ATP6V1E1: variants seen among roughly 807,000 people sequenced by gnomAD.
ATP6V1E1 encodes the protein ATPase H+ transporting V1 subunit E1, also known as V-type proton ATPase subunit E 1.
In ATP6V1E1, 21 loss-of-function variants were observed where a neutral mutation model predicts 35.2. The ratio of observed to expected loss-of-function variants is 0.60; its 90% CI spans 0.42 to 0.86. The LOEUF (loss-of-function observed/expected upper bound fraction) is 0.86. Ranked by LOEUF, ATP6V1E1 falls within the 40% of genes least tolerant of loss-of-function variation. The pLI, the probability that ATP6V1E1 is intolerant of heterozygous loss-of-function variation, is 0.00. For synonymous variants in ATP6V1E1, 83 were observed against 87.8 expected, an observed-to-expected ratio of 0.95 and a Z score of 0.30; for missense variants, 183 against 272.6, an observed-to-expected ratio of 0.67 and a Z score of 2.32.
At chr22:17,593,267 C>T (rs1444669706) in intron 8 of ATP6V1E1, among the ~76,000 whole-genome samples, 23 of 150,628 alleles carry the variant, frequency 1.5e-4, no homozygotes, top group Admixed American at 1.5e-3. Context: ...AAAAGGGACA[C>T]ATTAAAAAAA....
At chr22:17,601,955 A>C (rs2057764189) in intron 4 of ATP6V1E1, among the ~76,000 whole-genome samples, 1 of 152,178 alleles carries the variant, frequency 6.6e-6, no homozygotes, top group African/African-American at 2.4e-5. Flanking sequence ...CCCAGGCTGC[A>C]GTGCAGTGAT....
At chr22:17,608,949 A>G (rs2057799659) in intron 4 of ATP6V1E1, among the ~76,000 whole-genome samples, 1 of 151,848 alleles carries the variant, frequency 6.6e-6, no homozygotes, top group Admixed American at 6.6e-5. Flanking sequence ...AGCCGGGCGC[A>G]GTGGCGGGCG....
intron 1 of ATP6V1E1, among the ~76,000 whole-genome samples, chr22:17,623,552 T>G (rs2146318267): frequency 6.6e-6 from 1 of 151,704 alleles, no homozygotes; most frequent in African/African-American, 2.4e-5. Flanking sequence ...GTGCCTGCAA[T>G]CCTAGCTACT....
At chr22:17,603,480 C>T (rs796816206) in intron 4 of ATP6V1E1, among the ~76,000 whole-genome samples, 31 of 152,212 alleles carry the variant, frequency 2.0e-4, no homozygotes, top group African/African-American at 6.7e-4. Flanking sequence ...CATACCACTG[C>T]ACTCCAACCT....
At chr22:17,604,729 G>C (rs2057777017) in intron 4 of ATP6V1E1, among the ~76,000 whole-genome samples, 1 of 151,760 alleles carries the variant, frequency 6.6e-6, no homozygotes, top group African/African-American at 2.4e-5. Flanking sequence ...ATGTTGATCA[G>C]GCTGGTCTCG....
intron 6 of ATP6V1E1, 68 bp from the exon 7 acceptor site, chr22:17,598,356 G>A (rs1347817636): frequency 2.4e-6 from 3 of 1,252,928 alleles, no homozygotes; most frequent in Non-Finnish European, 3.5e-6. Flanking sequence ...AAACTCAACA[G>A]ACTATACAAG....
upstream of ATP6V1E1, chr22:17,628,803 T>G: frequency 1.1e-6 from 1 of 877,270 alleles, no homozygotes; most frequent in East Asian, 2.6e-5. Flanking sequence ...CTCATGACCC[T>G]TCTCAGCCAA....
Position 17,599,979 on chromosome 22 carries a change from AAGGGAGGGGGG to A in ATP6V1E1, c.435+37_435+47del, listed in dbSNP as rs759694948. On this transcript the variant is annotated intron_variant, in intron 6 of 8. Transcript: ENST00000253413. ...AAAGAAAGAGAGAGGGGAAGGAAGA[AAGGGAGGGGGG>A]AGGGAGGGAGGGAAAAAATTATCCT... 3 of 1,208,818 alleles carry A rather than the reference AAGGGAGGGGGG, an allele frequency of 2.5e-6. No individual in the cohort carries two copies. The African/African-American group carries it at 6.0e-5, about 24-fold the overall frequency. 74.9% of individuals were successfully genotyped at this position (1,208,818 alleles called of 1,614,324 possible).
chr22:17,618,594 A>C (rs2057858238), intron 2 of ATP6V1E1, among the ~76,000 whole-genome samples: 1 of 151,322 alleles, frequency 6.6e-6, no homozygotes, highest in African/African-American at 2.4e-5. Context: ...AGGCAAGAGA[A>C]CGGTGTGAAC....
chr22:17,600,056 A>C lies in ATP6V1E1; in HGVS notation c.406T>G (p.Cys136Gly). 6.2e-7 allele frequency: 1 copy of C among 1,614,048 alleles called. No individual in the cohort carries two copies. The highest frequency in any genetic ancestry group is 8.5e-7 in the Non-Finnish European group (1 of 1,179,946). Residue 136 changes from cysteine (C) to glycine (G), a missense_variant, in exon 6 of 9, where the codon TGC becomes GGC. Physicochemically the swap from Cys to Gly is radical, Grantham distance 159. Transcript: ENST00000253413. The part of the protein sequence containing the change: ...QLLEPRMIVR[C>G]RKQDFPLVKA... The stretch of plus-strand genomic sequence containing the variant: ...ACCAGAGGGAAATCTTGTTTCCTGC[A>C]ACGAACAATCATTCGGGGCTCCAGC...
chr22:17,622,519 G>A (rs1324715849), intron 1 of ATP6V1E1, among the ~76,000 whole-genome samples: 1 of 152,114 alleles, frequency 6.6e-6, no homozygotes, highest in Admixed American at 6.6e-5. Flanking sequence ...GCTAGGGGAG[G>A]GATAGCATTA....
At chr22:17,623,065 C>G (rs1052519777) in intron 1 of ATP6V1E1, among the ~76,000 whole-genome samples, 1 of 152,110 alleles carries the variant, frequency 6.6e-6, no homozygotes, top group African/African-American at 2.4e-5. Context: ...CCCTACTTTT[C>G]TTTTTTTTCT....
chr22:17,599,473 G>C (rs1276230915), intron 6 of ATP6V1E1, among the ~76,000 whole-genome samples: 2 of 150,932 alleles, frequency 1.3e-5, no homozygotes, highest in Admixed American at 6.6e-5. Flanking sequence ...CTACTTGGGA[G>C]GCTGAGGCAG....
chr22:17,599,500 C>CG (rs1403403160), intron 6 of ATP6V1E1, among the ~76,000 whole-genome samples: 3 of 136,798 alleles, frequency 2.2e-5, no homozygotes, highest in Non-Finnish European at 4.6e-5. Context: ...TGCTTGAACC[C>CG]GGGGGGGCAG....
At position 17,594,622 on chromosome 22, in the gene ATP6V1E1, A is replaced by G. The variant is rs746808585; in HGVS notation, c.531-6T>C. ...AGATCTCAACTCCACCAGCTCTGCA[A>G]AAAAAAAAGCACAGGAAATAATCAT... On this transcript the variant is annotated splice_polypyrimidine_tract_variant and splice_region_variant and intron_variant, in intron 7 of 8. Coordinates refer to ENST00000253413, the MANE Select transcript of ATP6V1E1 (RefSeq NM_001696.4). 4.3e-6 allele frequency: 6 copies of G among 1,408,102 alleles called. No homozygotes were observed. Among genetic ancestry groups the G allele is most frequent in the Non-Finnish European group, 5.6e-6 (6 of 1,080,098 alleles). The allele number at this position is 1,408,102 out of a possible 1,614,324, so 87.2% of individuals were successfully genotyped here.
intron 2 of ATP6V1E1, among the ~76,000 whole-genome samples, chr22:17,614,062 A>G (rs2057829526): frequency 6.6e-6 from 1 of 152,066 alleles, no homozygotes; most frequent in African/African-American, 2.4e-5. Flanking sequence ...AAAAAAATTA[A>G]AAAGTTGGCT....
At chr22:17,608,122 T>C (rs908846767) in intron 4 of ATP6V1E1, among the ~76,000 whole-genome samples, 3 of 152,156 alleles carry the variant, frequency 2.0e-5, no homozygotes, top group African/African-American at 7.2e-5. Flanking sequence ...CAGGTCCTAT[T>C]AGACTGCAGA....
intron 7 of ATP6V1E1, 36 bp downstream of exon 7, chr22:17,598,158 G>C (rs775108860): frequency 6.5e-7 from 1 of 1,530,528 alleles, no homozygotes; most frequent in Non-Finnish European, 9.0e-7. Context: ...CTCCCAGGGA[G>C]AGAAGGTAGC....
chr22:17,622,597 T>C (rs1320114705), intron 1 of ATP6V1E1, among the ~76,000 whole-genome samples: 3 of 152,140 alleles, frequency 2.0e-5, no homozygotes, highest in Admixed American at 6.6e-5. Context: ...CGTATCACTA[T>C]GTAACAAACC....
Sources: allele counts gnomAD v4.1 joint callset (sites outside exome capture counted in the v4.1 genomes callset), GRCh38; gene constraint gnomAD v4.1.1; transcripts MANE v1.5; gene names NCBI Gene and HGNC (gene_info 2026-07-23, HGNC 2026-07-21).